GAS2: variants seen among roughly 807,000 people sequenced by gnomAD.
GAS2 encodes the protein growth arrest specific 2.
In GAS2, 20 loss-of-function variants were observed where a neutral mutation model predicts 37.5. That is an observed-to-expected ratio of 0.53 (90% CI 0.37 to 0.77). The LOEUF is 0.77. GAS2 is among the 30% of genes least tolerant of loss of function. GAS2 has a pLI of 0.00. For missense variants in GAS2, 336 were observed against 373.4 expected (o/e 0.90, Z 0.82); for synonymous variants, 144 against 132.2 (o/e 1.09, Z -0.61).
chr11:22,771,139 C>G (rs72973112), intron 7 of GAS2, among the ~76,000 whole-genome samples: 23,793 of 150,720 alleles, frequency 0.16, 1,905 homozygotes, highest in Non-Finnish European at 0.18. Context: ...TTTTGTTTTT[C>G]CCATGATACT....
At chr11:22,767,556 T>C (rs1854758980) in intron 7 of GAS2, among the ~76,000 whole-genome samples, 1 of 152,088 alleles carries the variant, frequency 6.6e-6, no homozygotes, top group South Asian at 2.1e-4. Context: ...TGAATGATTT[T>C]TTTTGCAAAG....
At position 22,801,710 on chromosome 11, in the gene GAS2, T is replaced by C. The variant is rs117041635; in HGVS notation, c.724-10088T>C. 5.3e-3 allele frequency among the ~76,000 whole-genome samples: 802 copies of C among 152,226 alleles called. 11 individuals are homozygous for C. Among genetic ancestry groups the C allele is most frequent in the East Asian group, 0.038 (196 of 5,164 alleles). On this transcript the variant is annotated intron_variant, in intron 7 of 7. Transcript: ENST00000454584. ...GATGTGGTTTCTAGCCTGGCTCTGGTGAACCACCTATGTGACCTCTCAGAC... is the reference window on the plus strand; with the variant it reads ...GATGTGGTTTCTAGCCTGGCTCTGGCGAACCACCTATGTGACCTCTCAGAC...
intron 1 of GAS2, among the ~76,000 whole-genome samples, chr11:22,641,364 A>G (rs919662839): frequency 1.4e-5 from 2 of 147,528 alleles, no homozygotes; most frequent in African/African-American, 5.0e-5. Flanking sequence ...ATATTTTATT[A>G]TACTTTAAGT....
chr11:22,663,216 A>G (rs932457209), upstream of GAS2, among the ~76,000 whole-genome samples: 3 of 152,102 alleles, frequency 2.0e-5, no homozygotes, highest in Non-Finnish European at 4.4e-5. Flanking sequence ...GTCACCTCCC[A>G]CCAGGTCCCT....
Position 22,750,445 on chromosome 11 carries a change from G to A in GAS2, c.615+1184G>A, listed in dbSNP as rs376804845. 3.9e-5 allele frequency among the ~76,000 whole-genome samples: 6 copies of A among 152,188 alleles called. No homozygotes were observed. In the East Asian group the frequency reaches 7.7e-4, roughly 20 times the overall value. The stretch of plus-strand genomic sequence containing the variant: ...CCCTCATTTCTGTTAAGGGCAGCAA[G>A]CATATTAGCTCTTAAAGGTATCTTA... On this transcript the variant is annotated intron_variant, in intron 6 of 7. Transcript: ENST00000454584.
intron 1 of GAS2, among the ~76,000 whole-genome samples, chr11:22,641,785 T>A (rs893103340): frequency 6.6e-5 from 10 of 152,292 alleles, no homozygotes; most frequent in African/African-American, 2.2e-4. Context: ...TAGTGAGTCA[T>A]AATATTATCA....
intron 7 of GAS2, among the ~76,000 whole-genome samples, chr11:22,782,656 A>C (rs1193953024): frequency 6.6e-6 from 1 of 151,620 alleles, no homozygotes; most frequent in Non-Finnish European, 1.5e-5. Flanking sequence ...GTGAGAAAAT[A>C]CAGTACGTTG....
chr11:22,683,665 CTTT>C (rs34167397), intron 2 of GAS2, among the ~76,000 whole-genome samples: 4 of 144,532 alleles, frequency 2.8e-5, no homozygotes, highest in Non-Finnish European at 1.5e-5. Flanking sequence ...AAAATAATTT[CTTT>C]TTTTTTTTTT....
intron 6 of GAS2, among the ~76,000 whole-genome samples, chr11:22,755,392 ACT>A (rs907064413): frequency 1.3e-5 from 2 of 151,938 alleles, no homozygotes; most frequent in Admixed American, 6.6e-5. Flanking sequence ...TGTTAAACTC[ACT>A]CTCATTTATT....
At chr11:22,744,981 C>G (rs1477952071) in intron 5 of GAS2, among the ~76,000 whole-genome samples, 1 of 151,816 alleles carries the variant, frequency 6.6e-6, no homozygotes, top group African/African-American at 2.4e-5. Flanking sequence ...ATAGATGACA[C>G]AAACAAAGGA....
rs181984458 is a variant in GAS2 at position 22,698,110 on chromosome 11, A to T, written c.267+12321A>T. ...GTTTTTGAAAGGATCAGCAAAATTG[A>T]TAGACCGCTAGCAAGACTAATAAAG... On this transcript the variant is annotated intron_variant, in intron 3 of 7. Coordinates refer to ENST00000454584, the MANE Select transcript of GAS2 (RefSeq NM_001143830.3). Among the ~76,000 whole-genome samples the T allele has an allele frequency of 3.0e-3, 460 of 152,206 alleles. 1 individual carries two copies. Among genetic ancestry groups the T allele is most frequent in the African/African-American group, 0.01 (426 of 41,536 alleles).
At chr11:22,710,932 C>A (rs887649692) in intron 3 of GAS2, among the ~76,000 whole-genome samples, 24 of 152,092 alleles carry the variant, frequency 1.6e-4, no homozygotes, top group Admixed American at 1.6e-3. Context: ...ATGTTAAAAT[C>A]TACAATTCAA....
At chr11:22,747,420 T>G (rs374219608) in intron 5 of GAS2, among the ~76,000 whole-genome samples, 22 of 152,250 alleles carry the variant, frequency 1.4e-4, no homozygotes, top group Admixed American at 5.2e-4. Flanking sequence ...GCAAGTGATA[T>G]CTATGTAAGT....
chr11:22,761,843 C>A (rs1485562169), intron 7 of GAS2, among the ~76,000 whole-genome samples: 2 of 152,102 alleles, frequency 1.3e-5, no homozygotes, highest in Non-Finnish European at 2.9e-5. Flanking sequence ...GGGCACTAAA[C>A]CCTGGCAGCT....
At chr11:22,626,940 T>G (rs1270731880) in intron 1 of GAS2, among the ~76,000 whole-genome samples, 1 of 152,224 alleles carries the variant, frequency 6.6e-6, no homozygotes, top group Admixed American at 6.5e-5. Flanking sequence ...AGTCTCATTC[T>G]GTCGCCCAGG....
chr11:22,727,209 T>C (rs1443860259), intron 4 of GAS2, among the ~76,000 whole-genome samples: 3 of 152,038 alleles, frequency 2.0e-5, no homozygotes, highest in Non-Finnish European at 4.4e-5. Context: ...TGTAAAATAT[T>C]AGAACTAAAG....
intron 3 of GAS2, among the ~76,000 whole-genome samples, chr11:22,715,369 G>A (rs551735507): frequency 1.4e-5 from 2 of 142,042 alleles, no homozygotes; most frequent in South Asian, 4.6e-4. Flanking sequence ...GCCGAGGCAG[G>A]AGAATCACTT....
intron 3 of GAS2, among the ~76,000 whole-genome samples, chr11:22,689,571 C>T (rs1030728234): frequency 1.3e-5 from 2 of 152,144 alleles, no homozygotes; most frequent in African/African-American, 2.4e-5. Flanking sequence ...TTCATGGCTA[C>T]TATTGTTCAT....
chr11:22,695,145 C>T (rs1019910782), intron 3 of GAS2, among the ~76,000 whole-genome samples: 13 of 151,916 alleles, frequency 8.6e-5, no homozygotes, highest in Middle Eastern at 3.2e-3. Context: ...CATGGTAAAA[C>T]GCTGTCTCTA....
Sources: allele counts gnomAD v4.1 joint callset (sites outside exome capture counted in the v4.1 genomes callset), GRCh38; gene constraint gnomAD v4.1.1; transcripts MANE v1.5; gene names NCBI Gene and HGNC (gene_info 2026-07-23, HGNC 2026-07-21).